The following LMNTD1 variants were observed in gnomAD, a reference collection of about 807,000 sequenced individuals.
LMNTD1 encodes the protein lamin tail domain containing 1, also known as lamin tail domain-containing protein 1.
A neutral mutation model predicts 50.9 loss-of-function variants in LMNTD1; 35 were observed. That is an observed-to-expected ratio of 0.69 (90% CI 0.53 to 0.91). The LOEUF (loss-of-function observed/expected upper bound fraction) is 0.91. LMNTD1 is among the 40% of genes least tolerant of loss of function. The pLI, the probability that LMNTD1 is intolerant of heterozygous loss-of-function variation, is 0.00. For synonymous variants in LMNTD1, 153 were observed against 161.9 expected (o/e 0.94, Z 0.42); for missense variants, 470 against 475.5 (o/e 0.99, Z 0.11).
At chr12:25,629,479 G>A (rs2136590966) in intron 1 of LMNTD1, among the ~76,000 whole-genome samples, 1 of 152,300 alleles carries the variant, frequency 6.6e-6, no homozygotes, top group Admixed American at 6.5e-5. Flanking sequence ...TTCATACCAA[G>A]AGAAACAATC....
chr12:25,509,185 G>A (rs572900330), intron 8 of LMNTD1, among the ~76,000 whole-genome samples: 2 of 152,132 alleles, frequency 1.3e-5, no homozygotes, highest in Non-Finnish European at 2.9e-5. Flanking sequence ...TCGGCTCACT[G>A]CAACCTCCGC....
chr12:25,558,983 C>T lies in LMNTD1; in HGVS notation c.59-12429G>A, dbSNP rs547072863. Among the ~76,000 whole-genome samples, 331 of 149,308 alleles carry T rather than the reference C, an allele frequency of 2.2e-3. 4 individuals carry two copies. Among genetic ancestry groups the T allele is most frequent in the South Asian group, 0.015 (69 of 4,680 alleles). ...TGACTTACAGTTTTTTTTTTTGAGA[C>T]AGTCTTTTTTTTTAGAATGCTAATC... On this transcript the variant is annotated intron_variant, in intron 1 of 7. Coordinates refer to the LMNTD1 transcript ENST00000445693.
chr12:25,525,684 C>T (rs1199479545), intron 6 of LMNTD1, among the ~76,000 whole-genome samples: 1 of 151,908 alleles, frequency 6.6e-6, no homozygotes, highest in African/African-American at 2.4e-5. Context: ...TCTTCCCAAG[C>T]TTTAAGGATA....
chr12:25,596,891 C>T (rs1945854992), intron 1 of LMNTD1, among the ~76,000 whole-genome samples: 1 of 148,878 alleles, frequency 6.7e-6, no homozygotes. Context: ...ATAGAAACAA[C>T]AAAATGTGGA....
In LMNTD1 at chr12:25,570,871, T is replaced by C. The variant is rs370725056; in HGVS notation, c.59-24317A>G. 3.3e-5 allele frequency among the ~76,000 whole-genome samples: 5 copies of C among 152,354 alleles called. No homozygotes were observed. The East Asian group carries it at 7.7e-4, about 23-fold the overall frequency. ...ACTACAAGCAATCATTTGCACATTA[T>C]GGGAAAGGTCCTCTTTGTTAGTTCA... On this transcript the variant is annotated intron_variant, in intron 1 of 7. Transcript: ENST00000445693.
chr12:25,489,330 G>A (rs1938798528), intron 9 of LMNTD1, among the ~76,000 whole-genome samples: 1 of 150,964 alleles, frequency 6.6e-6, no homozygotes, highest in African/African-American at 2.4e-5. Context: ...TAGTCTGGTG[G>A]TGCGCCGTTT....
intron 9 of LMNTD1, among the ~76,000 whole-genome samples, chr12:25,496,062 C>G (rs1939053530): frequency 6.6e-6 from 1 of 152,060 alleles, no homozygotes. Flanking sequence ...TAAGGAAAAC[C>G]CTTTGAGCTG....
chr12:25,620,281 C>T (rs1470808808), intron 1 of LMNTD1, among the ~76,000 whole-genome samples: 1 of 152,118 alleles, frequency 6.6e-6, no homozygotes, highest in African/African-American at 2.4e-5. Flanking sequence ...TTAATGTTAA[C>T]GGAACTCCAC....
intron 1 of LMNTD1, among the ~76,000 whole-genome samples, chr12:25,642,805 T>A (rs1226766621): frequency 6.6e-6 from 1 of 152,222 alleles, no homozygotes; most frequent in African/African-American, 2.4e-5. Flanking sequence ...TAGCTGATGC[T>A]CAGTGGATTA....
At chr12:25,569,753 C>T (rs373880409) in intron 1 of LMNTD1, among the ~76,000 whole-genome samples, 52 of 152,222 alleles carry the variant, frequency 3.4e-4, no homozygotes, top group African/African-American at 1.2e-3. Context: ...CTCTTGCTCC[C>T]ACTCTTGCCA....
intron 1 of LMNTD1, among the ~76,000 whole-genome samples, chr12:25,596,603 T>C (rs1565510496): frequency 6.6e-6 from 1 of 151,998 alleles, no homozygotes; most frequent in Non-Finnish European, 1.5e-5. Flanking sequence ...ATAAACACTG[T>C]TCCAGACAAT....
chr12:25,573,336 T>C (rs1209843703), intron 1 of LMNTD1, among the ~76,000 whole-genome samples: 4 of 152,120 alleles, frequency 2.6e-5, no homozygotes. Flanking sequence ...TGTCTCTAAT[T>C]ATTAGGTACC....
At chr12:25,492,515 T>A (rs553214544) in intron 9 of LMNTD1, among the ~76,000 whole-genome samples, 17 of 152,316 alleles carry the variant, frequency 1.1e-4, no homozygotes, top group African/African-American at 4.1e-4. Flanking sequence ...GAGAGAAGAA[T>A]TTTAAGAAGT....
intron 3 of LMNTD1, among the ~76,000 whole-genome samples, chr12:25,548,134 G>A (rs143926484): frequency 2.0e-4 from 31 of 151,776 alleles, no homozygotes; most frequent in African/African-American, 7.0e-4. Flanking sequence ...AAACTTAGGA[G>A]GTTTCTTGGG....
chr12:25,525,881 C>T (rs1313304925), intron 6 of LMNTD1, among the ~76,000 whole-genome samples: 1 of 151,880 alleles, frequency 6.6e-6, no homozygotes. Context: ...ATCCATGTAA[C>T]CAAACACCAC....
chr12:25,492,028 C>T (rs972794465), intron 9 of LMNTD1, among the ~76,000 whole-genome samples: 1 of 152,172 alleles, frequency 6.6e-6, no homozygotes, highest in Non-Finnish European at 1.5e-5. Flanking sequence ...ACTTAGCAAA[C>T]ATTAGAGTTT....
At chr12:25,486,984 C>T (rs1452135045) in intron 9 of LMNTD1, among the ~76,000 whole-genome samples, 2 of 151,846 alleles carry the variant, frequency 1.3e-5, no homozygotes, top group Admixed American at 1.3e-4. Context: ...TTTGATTGCA[C>T]TGTGGTCTGA....
chr12:25,612,292 A>ACC (rs1241554749), intron 1 of LMNTD1, among the ~76,000 whole-genome samples: 2 of 24,316 alleles, frequency 8.2e-5, no homozygotes, highest in Non-Finnish European at 2.3e-4. Flanking sequence ...AAGGTCCCTC[A>ACC]CACACACACA....
chr12:25,604,181 A>G (rs1007349270), intron 1 of LMNTD1, among the ~76,000 whole-genome samples: 1 of 152,044 alleles, frequency 6.6e-6, no homozygotes, highest in Non-Finnish European at 1.5e-5. Context: ...TTTTTACATT[A>G]TATTGACTTA....
Sources: gnomAD v4.1 joint callset for allele counts (sites outside exome capture counted in the v4.1 genomes callset) on GRCh38, gnomAD v4.1.1 for gene constraint, MANE v1.5 for transcripts, NCBI Gene and HGNC (gene_info 2026-07-23, HGNC 2026-07-21) for gene names.